The following ZFAT variants were observed in gnomAD, a reference collection of about 807,000 sequenced individuals.
The protein encoded by ZFAT is zinc finger and AT-hook domain containing, also known as zinc finger protein ZFAT.
In ZFAT, 64 loss-of-function variants were observed where a neutral mutation model predicts 117.7. The ratio of observed to expected loss-of-function variants is 0.54; its 90% CI spans 0.44 to 0.67. The LOEUF (loss-of-function observed/expected upper bound fraction) is 0.67, where lower values mean the gene tolerates loss of function less well. Among genes scored for constraint, ZFAT ranks in the 30% least tolerant of loss-of-function variants. ZFAT has a pLI of 0.00. For synonymous variants in ZFAT, 679 were observed against 615.0 expected (o/e 1.10, Z -1.54); for missense variants, 1,433 against 1,584.5 (o/e 0.90, Z 1.62).
intron 1 of ZFAT, among the ~76,000 whole-genome samples, chr8:134,678,149 A>C (rs1187941995): frequency 6.6e-6 from 1 of 152,206 alleles, no homozygotes; most frequent in African/African-American, 2.4e-5. Flanking sequence ...GAAAAGAGGA[A>C]GTCAAATTGT....
At chr8:134,620,846 C>T (rs557496033) in intron 3 of ZFAT, among the ~76,000 whole-genome samples, 66 of 152,252 alleles carry the variant, frequency 4.3e-4, no homozygotes, top group African/African-American at 1.4e-3. Flanking sequence ...ACAAACACAT[C>T]CTAATGTGGA....
rs1463817788 is a variant in ZFAT at position 134,602,599 on chromosome 8, G to A, written c.1120C>T (p.Arg374Ter). The A allele has an allele frequency of 4.3e-6, 7 of 1,614,132 alleles. No homozygotes were observed. The highest frequency in any genetic ancestry group is 1.7e-5 in the Admixed American group (1 of 60,030). The change falls in exon 6 of 16, where the codon CGA (arginine) becomes TGA (stop). Residue 374 changes from arginine to a stop codon, truncating the protein, a stop_gained. Coordinates refer to ENST00000377838, the MANE Select transcript of ZFAT (RefSeq NM_020863.4). LOFTEE classifies it high-confidence loss of function. ...SDVKNLIKHI[R>*]DAHDPQDKKV... ...TTGTCCTGTGGGTCATGCGCGTCTC[G>A]GATGTGCTTGATGAGGTTCTTGACG...
intron 9 of ZFAT, 83 bp downstream of exon 9, chr8:134,588,163 G>A (rs944097465): frequency 5.4e-5 from 78 of 1,433,964 alleles, no homozygotes; most frequent in African/African-American, 4.2e-4. Flanking sequence ...GTGAAGATAC[G>A]GCTTCCTCTT....
chr8:134,477,871 AGTG>A lies in ZFAT; in HGVS notation c.*608_*610del, dbSNP rs145343393. On this transcript the variant is annotated 3_prime_UTR_variant, in exon 16 of 16. Coordinates refer to ENST00000377838, the MANE Select transcript of ZFAT (RefSeq NM_020863.4). ...AGTGAAATAGTGCATTTATCTTAAAAGTGAAATAATTCCAGGATGGTAGGGCGA... is the reference window on the plus strand; with the variant it reads ...AGTGAAATAGTGCATTTATCTTAAAAAAATAATTCCAGGATGGTAGGGCGA... 1,123 of 152,796 alleles carry A rather than the reference AGTG, an allele frequency of 7.3e-3. 5 individuals carry two copies. Among genetic ancestry groups the A allele is most frequent in the Non-Finnish European group, 0.012 (791 of 68,412 alleles). The allele number at this position is 152,796 out of a possible 1,614,324, so 9.5% of individuals were successfully genotyped here.
At chr8:134,510,374 C>T (rs1481236960) in intron 14 of ZFAT, among the ~76,000 whole-genome samples, 5 of 152,176 alleles carry the variant, frequency 3.3e-5, no homozygotes, top group African/African-American at 9.7e-5. Context: ...CACACCCTGA[C>T]CCTGATCACT....
chr8:134,811,010 G>GA, the ZFAT span, among the ~76,000 whole-genome samples: 7 of 140,254 alleles, frequency 5.0e-5, no homozygotes, highest in Admixed American at 1.4e-4. Flanking sequence ...AACAGTAAAA[G>GA]AAAAAAAAAA....
At chr8:134,730,443 T>C in the ZFAT span, among the ~76,000 whole-genome samples, 2 of 152,188 alleles carry the variant, frequency 1.3e-5, no homozygotes, top group African/African-American at 4.8e-5. Context: ...AGAGATGAAT[T>C]TGTCACAAGA....
the ZFAT span, among the ~76,000 whole-genome samples, chr8:134,732,326 G>A: frequency 5.3e-5 from 8 of 152,194 alleles, no homozygotes; most frequent in Non-Finnish European, 8.8e-5. Flanking sequence ...GATGAGGGGA[G>A]AGGGAGAAGC....
At chr8:134,537,186 A>T (rs1199534668) in intron 11 of ZFAT, among the ~76,000 whole-genome samples, 1 of 152,218 alleles carries the variant, frequency 6.6e-6, no homozygotes, top group East Asian at 1.9e-4. Context: ...TGCAATTATT[A>T]TCCTCATTTT....
At chr8:134,517,625 G>A (rs559843005) in intron 13 of ZFAT, among the ~76,000 whole-genome samples, 28 of 152,182 alleles carry the variant, frequency 1.8e-4, no homozygotes, top group Middle Eastern at 6.8e-3. Flanking sequence ...AGATTCCTCC[G>A]GTTTTCTCAT....
the ZFAT span, among the ~76,000 whole-genome samples, chr8:134,735,640 A>G: frequency 6.6e-6 from 1 of 152,182 alleles, no homozygotes; most frequent in African/African-American, 2.4e-5. Context: ...TCTAGAAGTG[A>G]AATGCTGAGA....
At position 134,602,258 on chromosome 8, in the gene ZFAT, G is replaced by A; in HGVS notation, c.1461C>T (p.Ala487=). 6.2e-7 allele frequency: 1 copy of A among 1,613,850 alleles called. No homozygotes were observed. Among genetic ancestry groups the A allele is most frequent in the Non-Finnish European group, 8.5e-7 (1 of 1,180,046 alleles). ...GGTTGATGGAACTGGTGAAGACCAA[G>A]GCCTCCTGGGCAGCCCCGTGCACCT... is the stretch of plus-strand genomic sequence containing the variant. ...IKEVHGAAQE[A]LVFTSSINQS... The change falls in exon 6 of 16, where the codon GCC becomes GCT. Residue 487 remains alanine, a synonymous_variant. Transcript: ENST00000377838.
chr8:134,808,318 A>G, the ZFAT span, among the ~76,000 whole-genome samples: 1 of 152,228 alleles, frequency 6.6e-6, no homozygotes, highest in African/African-American at 2.4e-5. Context: ...TGAGACTAGG[A>G]GACCAGAGAC....
chr8:134,518,325 T>C (rs967478747), intron 13 of ZFAT, among the ~76,000 whole-genome samples: 7 of 152,210 alleles, frequency 4.6e-5, no homozygotes, highest in African/African-American at 1.7e-4. Context: ...GATAAAGAAA[T>C]GCAAATGTAA....
At chr8:134,672,238 G>A (rs1461428557) in intron 1 of ZFAT, among the ~76,000 whole-genome samples, 2 of 152,300 alleles carry the variant, frequency 1.3e-5, no homozygotes, top group South Asian at 2.1e-4. Flanking sequence ...TTTCTTCACA[G>A]AATTGGAAAA....
chr8:134,721,108 C>T, the ZFAT span, among the ~76,000 whole-genome samples: 2 of 152,186 alleles, frequency 1.3e-5, no homozygotes, highest in Admixed American at 6.5e-5. Flanking sequence ...GCCAGCCCTA[C>T]GTGTGTTTAG....
chr8:134,755,831 A>G, the ZFAT span, among the ~76,000 whole-genome samples: 20 of 150,882 alleles, frequency 1.3e-4, no homozygotes, highest in East Asian at 5.8e-4. Context: ...AAAAAAAAAA[A>G]AAAAAGAAAA....
chr8:134,653,589 TAC>T (rs765211088), intron 2 of ZFAT, among the ~76,000 whole-genome samples: 8 of 151,664 alleles, frequency 5.3e-5, no homozygotes, highest in African/African-American at 1.2e-4. Context: ...CTTCTCACAA[TAC>T]ACACACACAC....
intron 3 of ZFAT, among the ~76,000 whole-genome samples, chr8:134,629,377 C>T (rs375296231): frequency 4.6e-5 from 7 of 152,134 alleles, no homozygotes; most frequent in African/African-American, 9.6e-5. Context: ...TCACTAGTGA[C>T]GGTCACCAAG....
Sources: allele counts gnomAD v4.1 joint callset (sites outside exome capture counted in the v4.1 genomes callset), GRCh38; gene constraint gnomAD v4.1.1; transcripts MANE v1.5; gene names NCBI Gene and HGNC (gene_info 2026-07-23, HGNC 2026-07-21).